Variants in SLC24A3 observed in about 807,000 individuals in gnomAD.
The protein encoded by SLC24A3 is sodium/potassium/calcium exchanger 3.
In SLC24A3, 28 loss-of-function variants were observed where a neutral mutation model predicts 75.8. The observed-to-expected ratio is 0.37, with a 90% CI of 0.27 to 0.51. The LOEUF is 0.51. SLC24A3 is among the 20% of genes least tolerant of loss of function. SLC24A3 has a pLI of 0.94. For synonymous variants in SLC24A3, 372 were observed against 334.1 expected (o/e 1.11, Z -1.24); for missense variants, 663 against 847.8 (o/e 0.78, Z 2.71).
intron 2 of SLC24A3, among the ~76,000 whole-genome samples, chr20:19,326,251 G>A (rs79647996): frequency 1.6e-3 from 251 of 152,208 alleles, no homozygotes; most frequent in African/African-American, 5.9e-3. Flanking sequence ...GCCAAGAGCA[G>A]ATGGTGAAGC....
At chr20:19,301,433 G>T (rs934863723) in intron 2 of SLC24A3, among the ~76,000 whole-genome samples, 1 of 152,124 alleles carries the variant, frequency 6.6e-6, no homozygotes, top group Non-Finnish European at 1.5e-5. Flanking sequence ...TCGATAGAAT[G>T]CTTGGATTTC....
At chr20:19,229,576 G>C (rs1182974174) in intron 1 of SLC24A3, among the ~76,000 whole-genome samples, 2 of 151,546 alleles carry the variant, frequency 1.3e-5, no homozygotes, top group Non-Finnish European at 2.9e-5. Flanking sequence ...AATTATTTGA[G>C]AGACTGAATT....
intron 3 of SLC24A3, among the ~76,000 whole-genome samples, chr20:19,544,572 G>A (rs561986064): frequency 1.3e-5 from 2 of 152,230 alleles, no homozygotes; most frequent in South Asian, 4.2e-4. Context: ...GATTGTAGGA[G>A]GGAAGATTGC....
intron 6 of SLC24A3, among the ~76,000 whole-genome samples, chr20:19,635,190 G>A (rs1294949976): frequency 6.6e-6 from 1 of 152,222 alleles, no homozygotes; most frequent in Non-Finnish European, 1.5e-5. Context: ...GGAGGGATGA[G>A]TCCATCATTG....
At chr20:19,676,588 C>T (rs2032526659) in intron 9 of SLC24A3, among the ~76,000 whole-genome samples, 3 of 151,986 alleles carry the variant, frequency 2.0e-5, no homozygotes, top group Admixed American at 2.0e-4. Flanking sequence ...TTAAAACATT[C>T]AATTAAAAAT....
chr20:19,679,391 C>T (rs2032580212), intron 9 of SLC24A3, among the ~76,000 whole-genome samples: 1 of 152,236 alleles, frequency 6.6e-6, no homozygotes, highest in Non-Finnish European at 1.5e-5. Flanking sequence ...CAATCGCAGG[C>T]ACTCCGCAGG....
intron 2 of SLC24A3, among the ~76,000 whole-genome samples, chr20:19,348,289 A>T (rs184080843): frequency 6.6e-6 from 1 of 152,308 alleles, no homozygotes; most frequent in East Asian, 1.9e-4. Context: ...GAGAACTGAG[A>T]ATTCTCAGAT....
chr20:19,498,997 G>A (rs553625252), intron 2 of SLC24A3, among the ~76,000 whole-genome samples: 135 of 152,316 alleles, frequency 8.9e-4, no homozygotes, highest in African/African-American at 3.1e-3. Flanking sequence ...AGAGGCCAGG[G>A]AGCCCCAGCT....
At chr20:19,614,700 GC>G (rs1444592558) in intron 6 of SLC24A3, among the ~76,000 whole-genome samples, 5 of 152,180 alleles carry the variant, frequency 3.3e-5, no homozygotes, top group Admixed American at 2.0e-4. Context: ...TGACACTGAG[GC>G]CTCTGTTGTT....
intron 2 of SLC24A3, among the ~76,000 whole-genome samples, chr20:19,366,162 G>A (rs1252069679): frequency 6.6e-6 from 1 of 152,118 alleles, no homozygotes; most frequent in East Asian, 1.9e-4. Context: ...AGGGGAGGGT[G>A]GGGGTGGAGT....
At chr20:19,272,889 G>A (rs757621720) in intron 1 of SLC24A3, among the ~76,000 whole-genome samples, 9 of 152,066 alleles carry the variant, frequency 5.9e-5, no homozygotes, top group African/African-American at 2.2e-4. Context: ...TGCGGGTGGG[G>A]GTCAGGGACG....
intron 2 of SLC24A3, among the ~76,000 whole-genome samples, chr20:19,303,137 A>C (rs1984236374): frequency 6.6e-6 from 1 of 152,116 alleles, no homozygotes; most frequent in African/African-American, 2.4e-5. Context: ...CCCAATAGGT[A>C]GTTTTTCTGA....
intron 1 of SLC24A3, among the ~76,000 whole-genome samples, chr20:19,239,711 G>A (rs935356501): frequency 2.6e-5 from 4 of 152,194 alleles, no homozygotes; most frequent in Non-Finnish European, 5.9e-5. Context: ...CTGTCACATT[G>A]TTTTCACCCC....
At chr20:19,346,812 C>T (rs1317293909) in intron 2 of SLC24A3, among the ~76,000 whole-genome samples, 1 of 151,934 alleles carries the variant, frequency 6.6e-6, no homozygotes, top group African/African-American at 2.4e-5. Context: ...TGTAACCAAA[C>T]ACCACCTGAT....
In SLC24A3 at chr20:19,722,393, T is replaced by G. The variant is rs2033113572; in HGVS notation, c.*1253T>G. On this transcript the variant is annotated 3_prime_UTR_variant, in exon 17 of 17. Transcript: ENST00000328041. ...AAGGAGAAAACAGAGAACTGACACC[T>G]TTGAAACCACAGAATGTGTTACATG... The G allele has an allele frequency of 6.5e-6, 1 of 152,676 alleles. No individual in the cohort carries two copies. The highest frequency in any genetic ancestry group is 2.4e-5 in the African/African-American group (1 of 41,448). 9.5% of individuals were successfully genotyped at this position (152,676 alleles called of 1,614,324 possible). A position where few individuals can be genotyped will look rare whatever the true frequency, so the allele number is the denominator to read the frequency against.
intron 9 of SLC24A3, among the ~76,000 whole-genome samples, chr20:19,677,859 C>A (rs892406492): frequency 6.6e-6 from 1 of 151,898 alleles, no homozygotes; most frequent in Non-Finnish European, 1.5e-5. Flanking sequence ...TGAGGCCTTC[C>A]GCAGTGTTTG....
intron 2 of SLC24A3, among the ~76,000 whole-genome samples, chr20:19,460,662 T>C (rs1431759058): frequency 6.6e-6 from 1 of 152,076 alleles, no homozygotes; most frequent in Admixed American, 6.6e-5. Context: ...ACTGTTTTAT[T>C]TGGACGTGTT....
chr20:19,424,593 A>G (rs1986967927), intron 2 of SLC24A3, among the ~76,000 whole-genome samples: 1 of 152,042 alleles, frequency 6.6e-6, no homozygotes, highest in Non-Finnish European at 1.5e-5. Flanking sequence ...TGGGAGGCTG[A>G]GGCAGAATCG....
chr20:19,340,674 G>A (rs1433495308), intron 2 of SLC24A3, among the ~76,000 whole-genome samples: 2 of 152,158 alleles, frequency 1.3e-5, no homozygotes, highest in African/African-American at 2.4e-5. Flanking sequence ...TCCAACATGA[G>A]GTTGGGAACC....
Sources: gnomAD v4.1 joint callset for allele counts (sites outside exome capture counted in the v4.1 genomes callset) on GRCh38, gnomAD v4.1.1 for gene constraint, MANE v1.5 for transcripts, NCBI Gene and HGNC (gene_info 2026-07-23, HGNC 2026-07-21) for gene names.